The following FREM2 variants were observed in gnomAD, a reference collection of about 807,000 sequenced individuals.
FREM2 encodes the protein FRAS1-related extracellular matrix protein 2.
Under a neutral mutation model 219.9 loss-of-function variants are expected in FREM2, and 119 were observed. That is an observed-to-expected ratio of 0.54 (90% CI 0.47 to 0.63). The LOEUF (loss-of-function observed/expected upper bound fraction) is 0.63. Ranked by LOEUF, FREM2 falls within the 30% of genes least tolerant of loss-of-function variation. The pLI is 0.00. For synonymous variants in FREM2, 1,562 were observed against 1,522.8 expected (o/e 1.03, Z -0.60); for missense variants, 4,030 against 3,993.6 (o/e 1.01, Z -0.25).
chr13:38,795,453 T>C (rs1259871166), intron 6 of FREM2, among the ~76,000 whole-genome samples: 5 of 151,894 alleles, frequency 3.3e-5, no homozygotes, highest in Non-Finnish European at 5.9e-5. Context: ...TTCTTTTGTT[T>C]TTTACTAATA....
chr13:38,704,711 G>A (rs1593354309), intron 2 of FREM2, among the ~76,000 whole-genome samples: 1 of 152,102 alleles, frequency 6.6e-6, no homozygotes, highest in East Asian at 1.9e-4. Flanking sequence ...TTTTCACAGT[G>A]GTCTAAAGAA....
chr13:38,693,389 G>A (rs887506392), intron 1 of FREM2, among the ~76,000 whole-genome samples: 6 of 152,180 alleles, frequency 3.9e-5, no homozygotes, highest in Non-Finnish European at 8.8e-5. Context: ...AGGCACCTGC[G>A]GTCTTTAGGC....
At chr13:38,822,790 G>C (rs1876118736) in intron 6 of FREM2, among the ~76,000 whole-genome samples, 1 of 152,104 alleles carries the variant, frequency 6.6e-6, no homozygotes, top group Non-Finnish European at 1.5e-5. Context: ...CTTTGCAGTA[G>C]AAGATGTTAG....
chr13:38,718,183 T>G (rs1871087025), intron 2 of FREM2, among the ~76,000 whole-genome samples: 1 of 152,260 alleles, frequency 6.6e-6, no homozygotes, highest in South Asian at 2.1e-4. Context: ...ACAGTTGTTT[T>G]TAATGATTGC....
intron 2 of FREM2, among the ~76,000 whole-genome samples, chr13:38,731,109 A>T (rs963274388): frequency 9.2e-5 from 14 of 152,256 alleles, no homozygotes; most frequent in Non-Finnish European, 1.6e-4. Context: ...TCCATTCCAA[A>T]TTTTGTACCT....
At chr13:38,700,192 G>T (rs1870287943) in intron 2 of FREM2, among the ~76,000 whole-genome samples, 1 of 152,062 alleles carries the variant, frequency 6.6e-6, no homozygotes, top group South Asian at 2.1e-4. Context: ...AGATTGAGAA[G>T]AACAGAAGGC....
intron 2 of FREM2, among the ~76,000 whole-genome samples, chr13:38,723,325 A>G (rs953778172): frequency 1.3e-5 from 2 of 152,182 alleles, no homozygotes; most frequent in African/African-American, 4.8e-5. Flanking sequence ...TTCATCTTAA[A>G]CATGTTAGTA....
intron 2 of FREM2, among the ~76,000 whole-genome samples, chr13:38,763,464 C>CTTTTTTTTTTTTTTTTTTTT (rs1163604743): frequency 2.0e-5 from 2 of 102,364 alleles, no homozygotes; most frequent in African/African-American, 3.6e-5. Context: ...GTTACTTGGG[C>CTTTTTTTTTTTTTTTTTTTT]TTTTTTTTTT....
At chr13:38,869,017 A>T (rs770756638) in intron 16 of FREM2, among the ~76,000 whole-genome samples, 1 of 152,222 alleles carries the variant, frequency 6.6e-6, no homozygotes, top group Non-Finnish European at 1.5e-5. Flanking sequence ...GCCCAGGCCA[A>T]GCGCCTAGCA....
chr13:38,722,389 A>T (rs1022197557), intron 2 of FREM2, among the ~76,000 whole-genome samples: 1 of 152,204 alleles, frequency 6.6e-6, no homozygotes, highest in South Asian at 2.1e-4. Flanking sequence ...TTTTTTAAAC[A>T]AACTCAAGTA....
At position 38,706,159 on chromosome 13, in the gene FREM2, CTT is replaced by C. The variant is rs550832877; in HGVS notation, c.5263+8374_5263+8375del. Among the ~76,000 whole-genome samples, 466 of 152,278 alleles carry C rather than the reference CTT, an allele frequency of 3.1e-3. 3 individuals are homozygous for C. The highest frequency in any genetic ancestry group is 0.011 in the African/African-American group (445 of 41,548). ...TCCTTTTTAAGGGTTGAAGTGTAAACTTTATAGGCTTGAAGATTAATACCGTA... is the reference window on the plus strand; with the variant it reads ...TCCTTTTTAAGGGTTGAAGTGTAAACTATAGGCTTGAAGATTAATACCGTA... On this transcript the variant is annotated intron_variant, in intron 2 of 23. Coordinates refer to ENST00000280481, the MANE Select transcript of FREM2 (RefSeq NM_207361.6).
rs767073356 is a variant in FREM2, at chr13:38,690,053, C to T, written c.2709C>T (p.Ala903=). 1.2e-6 allele frequency: 2 copies of T among 1,613,884 alleles called. No homozygotes were observed. The highest frequency in any genetic ancestry group is 1.7e-6 in the Non-Finnish European group (2 of 1,180,016). The change falls in exon 1 of 24, where the codon GCC becomes GCT. Residue 903 remains alanine (A), a synonymous_variant. Coordinates refer to ENST00000280481, the MANE Select transcript of FREM2 (RefSeq NM_207361.6). ...TAAAACAGGGCCGAGTTTCCTATGC[C>T]CATAATGGGGACAAGTCCCTGACTG... ...EDIKQGRVSY[A]HNGDKSLTDS...
intron 2 of FREM2, among the ~76,000 whole-genome samples, chr13:38,705,031 C>G (rs551421503): frequency 2.0e-5 from 3 of 152,268 alleles, no homozygotes; most frequent in African/African-American, 7.2e-5. Flanking sequence ...GGTGGGGACA[C>G]AGAGCCAAAC....
At chr13:38,788,162 GT>G (rs748090795) in intron 6 of FREM2, among the ~76,000 whole-genome samples, 152 of 152,138 alleles carry the variant, frequency 1.0e-3, no homozygotes, top group Non-Finnish European at 2.0e-3. Flanking sequence ...AATAAACCCA[GT>G]TTACAGCTCT....
chr13:38,859,428 G>T lies in FREM2; in HGVS notation c.7357G>T (p.Val2453Leu). The change falls in exon 14 of 24, where the codon GTG becomes TTG. Residue 2453 changes from valine to leucine, a missense_variant. Coordinates refer to ENST00000280481, the MANE Select transcript of FREM2 (RefSeq NM_207361.6). ...PDGVTSPMREVDFDTFFTSSK... is the reference protein window; with the variant it reads ...PDGVTSPMRELDFDTFFTSSK... ...CGGTGTGACCAGCCCTATGAGAGAA[G>T]TGGACTTCGACACCTTTTTTACGTC... The T allele has an allele frequency of 6.2e-7, 1 of 1,611,878 alleles. No homozygotes were observed. The highest frequency in any genetic ancestry group is 8.5e-7 in the Non-Finnish European group (1 of 1,178,142).
chr13:38,878,114 T>C lies in FREM2; in HGVS notation c.8672-20T>C, dbSNP rs753721685. ...ACCTTATCATATAACAGAAATAACA[T>C]TTCCACATCTCTATTTCAGGTGATA... On this transcript the variant is annotated intron_variant, in intron 21 of 23. Transcript: ENST00000280481. 9 of 1,599,970 alleles carry C rather than the reference T, an allele frequency of 5.6e-6. No individual in the cohort carries two copies. Among genetic ancestry groups the C allele is most frequent in the Non-Finnish European group, 7.7e-6 (9 of 1,167,266 alleles).
chr13:38,697,302 A>C (rs962630334), intron 1 of FREM2, among the ~76,000 whole-genome samples: 1 of 152,170 alleles, frequency 6.6e-6, no homozygotes. Flanking sequence ...CCAGTTCCCT[A>C]CTGGGAGGCA....
intron 2 of FREM2, among the ~76,000 whole-genome samples, chr13:38,746,895 C>G (rs1003208873): frequency 6.6e-6 from 1 of 152,012 alleles, no homozygotes; most frequent in Non-Finnish European, 1.5e-5. Flanking sequence ...CAACCTTTGG[C>G]GATTTGGCAG....
rs140623112 is a variant in FREM2, at chr13:38,870,864, A to G, written c.7984-1878A>G. 1.9e-3 allele frequency among the ~76,000 whole-genome samples: 291 copies of G among 152,354 alleles called. 1 individual carries two copies. Among genetic ancestry groups the G allele is most frequent in the African/African-American group, 6.8e-3 (282 of 41,582 alleles). On this transcript the variant is annotated intron_variant, in intron 16 of 23. Transcript: ENST00000280481. ...CTCAGTAACATTTGATGGATAGAAT[A>G]TAACATTGGAAAAAATTATTCTTAG...
Sources: allele counts gnomAD v4.1 joint callset (sites outside exome capture counted in the v4.1 genomes callset), GRCh38; gene constraint gnomAD v4.1.1; transcripts MANE v1.5; gene names NCBI Gene and HGNC (gene_info 2026-07-23, HGNC 2026-07-21).